LIMCH1: variants seen among roughly 807,000 people sequenced by gnomAD.
The protein encoded by LIMCH1 is LIM and calponin homology domains-containing protein 1.
A neutral mutation model predicts 176.5 loss-of-function variants in LIMCH1; 113 were observed. The ratio of observed to expected loss-of-function variants is 0.64; its 90% CI spans 0.55 to 0.75. The LOEUF is 0.75. Among genes scored for constraint, LIMCH1 ranks in the 30% least tolerant of loss-of-function variants. The probability of loss-of-function intolerance (pLI) is 0.00; values close to 1 mark genes in which losing one functional copy is unlikely to be tolerated. For missense variants in LIMCH1, 1,674 were observed against 1,814.9 expected (o/e 0.92, Z 1.41); for synonymous variants, 619 against 645.9 (o/e 0.96, Z 0.63).
chr4:41,389,003 A>G (rs1008354439), intron 1 of LIMCH1: 4 of 152,182 alleles, frequency 2.6e-5, no homozygotes, highest in African/African-American at 7.2e-5. Flanking sequence ...TTGAAAAGGA[A>G]ATTGGTAAGA....
In LIMCH1 at chr4:41,697,216, A is replaced by C; in HGVS notation, c.*31A>C. On this transcript the variant is annotated 3_prime_UTR_variant, in exon 32 of 32. Transcript: ENST00000503057. ...CTTTCAAGCTTCCGGATCACTCACC[A>C]TTTCTTTACTGAGAGTGTCCCCTGG... is the stretch of plus-strand genomic sequence containing the variant. The C allele has an allele frequency of 6.2e-7, 1 of 1,609,232 alleles. No individual in the cohort carries two copies. The highest frequency in any genetic ancestry group is 8.5e-7 in the Non-Finnish European group (1 of 1,175,856).
At chr4:41,457,167 A>G (rs1387487402) in intron 1 of LIMCH1, among the ~76,000 whole-genome samples, 2 of 152,170 alleles carry the variant, frequency 1.3e-5, no homozygotes, top group East Asian at 3.8e-4. Flanking sequence ...ATAGCTCTCA[A>G]TTTAGACAAG....
chr4:41,616,864 T>C (rs1213502874), intron 5 of LIMCH1, among the ~76,000 whole-genome samples: 1 of 152,126 alleles, frequency 6.6e-6, no homozygotes, highest in African/African-American at 2.4e-5. Context: ...TAGTAGATGG[T>C]AGAGCTGAAA....
intron 1 of LIMCH1, among the ~76,000 whole-genome samples, chr4:41,419,188 A>AT (rs113387505): frequency 3.2e-4 from 25 of 78,112 alleles, no homozygotes; most frequent in African/African-American, 1.9e-3. Context: ...ATTTAATTTT[A>AT]TTATTTTGAG....
At chr4:41,424,200 C>T (rs976810532) in intron 1 of LIMCH1, among the ~76,000 whole-genome samples, 2 of 152,088 alleles carry the variant, frequency 1.3e-5, no homozygotes, top group African/African-American at 4.8e-5. Context: ...TCCCTGTGAA[C>T]ATGGAACTCT....
At chr4:41,586,461 C>T (rs2086491713) in intron 1 of LIMCH1, among the ~76,000 whole-genome samples, 1 of 152,052 alleles carries the variant, frequency 6.6e-6, no homozygotes, top group African/African-American at 2.4e-5. Flanking sequence ...CAGTACCAAA[C>T]CCATAGCAAT....
chr4:41,601,536 T>C (rs544268438), intron 2 of LIMCH1, among the ~76,000 whole-genome samples: 39 of 152,038 alleles, frequency 2.6e-4, no homozygotes, highest in Non-Finnish European at 5.0e-4. Context: ...GAAAAGTAAC[T>C]GGTGTGGTTG....
At chr4:41,681,164 G>C (rs1478876244) in intron 25 of LIMCH1, 105 bp downstream of exon 25, 5 of 632,792 alleles carry the variant, frequency 7.9e-6, no homozygotes, top group Non-Finnish European at 1.4e-5. Flanking sequence ...TTAAATCCAA[G>C]ACTAGCTATT....
intron 1 of LIMCH1, among the ~76,000 whole-genome samples, chr4:41,544,751 G>A (rs2079136962): frequency 1.3e-5 from 2 of 152,176 alleles, no homozygotes; most frequent in South Asian, 4.1e-4. Context: ...TTTCCCTCTG[G>A]ACACTGGATC....
chr4:41,443,192 C>CTTT (rs916559501), intron 1 of LIMCH1, among the ~76,000 whole-genome samples: 54 of 39,708 alleles, frequency 1.4e-3, no homozygotes, highest in East Asian at 2.0e-3. Context: ...TGTTTTTTTT[C>CTTT]TTTTTTTTTT....
At position 41,641,681 on chromosome 4, in the gene LIMCH1, A is replaced by G. The variant is rs535809536; in HGVS notation, c.2126+2714A>G. ...TATAGACTGGAGGTGATTTTATACA[A>G]TAGTTTAAATAATTTTGTGCATGAA... On this transcript the variant is annotated intron_variant, in intron 14 of 31. Coordinates refer to ENST00000503057, the MANE Select transcript of LIMCH1 (RefSeq NM_001330672.2). Among the ~76,000 whole-genome samples, 18 of 152,324 alleles carry G rather than the reference A, an allele frequency of 1.2e-4. No individual in the cohort carries two copies. The South Asian group carries it at 3.5e-3, about 30-fold the overall frequency.
chr4:41,364,029 G>C (rs1008167857), intron 1 of LIMCH1, among the ~76,000 whole-genome samples: 11 of 152,156 alleles, frequency 7.2e-5, no homozygotes, highest in Non-Finnish European at 1.0e-4. Context: ...TCCAGAGTCT[G>C]TTACTTTGTA....
At chr4:41,362,301 A>G (rs2052228675) in intron 1 of LIMCH1, among the ~76,000 whole-genome samples, 1 of 152,232 alleles carries the variant, frequency 6.6e-6, no homozygotes, top group Non-Finnish European at 1.5e-5. Flanking sequence ...ATGTCTCATA[A>G]TTTGATAACT....
At chr4:41,390,658 A>G (rs573737409) in intron 1 of LIMCH1, among the ~76,000 whole-genome samples, 32 of 152,308 alleles carry the variant, frequency 2.1e-4, no homozygotes, top group African/African-American at 7.2e-4. Context: ...GGACATTCCT[A>G]AAGTTTCCAT....
intron 1 of LIMCH1, among the ~76,000 whole-genome samples, chr4:41,412,398 T>A (rs2059574987): frequency 6.6e-6 from 1 of 152,188 alleles, no homozygotes; most frequent in Non-Finnish European, 1.5e-5. Context: ...TTTCTTTCAC[T>A]TTTCGGGTTT....
At chr4:41,371,300 C>G (rs2053923787) in intron 1 of LIMCH1, among the ~76,000 whole-genome samples, 2 of 152,146 alleles carry the variant, frequency 1.3e-5, no homozygotes, top group Non-Finnish European at 2.9e-5. Flanking sequence ...CAAGCACATT[C>G]TCTGAAACTG....
At chr4:41,684,364 T>C in intron 26 of LIMCH1, 33 bp from the exon 27 acceptor site, 13 of 1,592,476 alleles carry the variant, frequency 8.2e-6, no homozygotes, top group Non-Finnish European at 1.1e-5. Context: ...TACTTTTCTC[T>C]CTGCTCTGAA....
intron 1 of LIMCH1, among the ~76,000 whole-genome samples, chr4:41,398,523 T>C (rs2058052826): frequency 6.6e-6 from 1 of 152,206 alleles, no homozygotes; most frequent in African/African-American, 2.4e-5. Flanking sequence ...AACTTTGCTG[T>C]TCAAATGGGG....
At chr4:41,419,615 CTTCCT>C (rs1460617994) in intron 1 of LIMCH1, among the ~76,000 whole-genome samples, 1 of 88,694 alleles carries the variant, frequency 1.1e-5, no homozygotes, top group Non-Finnish European at 1.9e-5. Flanking sequence ...TCCTTCCTTC[CTTCCT>C]TCCTTCCTTC....
Sources: gnomAD v4.1 joint callset for allele counts (sites outside exome capture counted in the v4.1 genomes callset) on GRCh38, gnomAD v4.1.1 for gene constraint, MANE v1.5 for transcripts, NCBI Gene and HGNC (gene_info 2026-07-23, HGNC 2026-07-21) for gene names.